MANBA: variants seen among roughly 807,000 people sequenced by gnomAD.
MANBA encodes beta-mannosidase.
In MANBA, 83 loss-of-function variants were observed where a neutral mutation model predicts 111.1. The observed-to-expected ratio is 0.75, with a 90% confidence interval of 0.63 to 0.90. The LOEUF (loss-of-function observed/expected upper bound fraction) is 0.90, where lower values mean the gene tolerates loss of function less well. Among genes scored for constraint, MANBA ranks in the 40% least tolerant of loss-of-function variants. The pLI is 0.00. For synonymous variants in MANBA, 370 were observed against 378.7 expected (o/e 0.98, Z 0.27); for missense variants, 1,036 against 1,069.0 (o/e 0.97, Z 0.43).
intron 4 of MANBA, among the ~76,000 whole-genome samples, chr4:102,714,830 G>A (rs1722252186): frequency 6.6e-6 from 1 of 152,162 alleles, no homozygotes; most frequent in African/African-American, 2.4e-5. Flanking sequence ...TCTGTGCTAG[G>A]CATCCCTGGT....
intron 13 of MANBA, among the ~76,000 whole-genome samples, chr4:102,646,284 C>T (rs1488782469): frequency 6.6e-6 from 1 of 152,108 alleles, no homozygotes; most frequent in Non-Finnish European, 1.5e-5. Context: ...CCTTTGCCCA[C>T]CCTACTCTCA....
chr4:102,737,704 G>A (rs1330115546), intron 1 of MANBA, among the ~76,000 whole-genome samples: 2 of 152,058 alleles, frequency 1.3e-5, no homozygotes, highest in African/African-American at 2.4e-5. Flanking sequence ...GGATGGTCTC[G>A]ATCTCCTGAC....
rs536458187 is a variant in MANBA, at chr4:102,664,557, C to A, written c.1485+128G>T. 4.4e-4 allele frequency: 348 copies of A among 788,964 alleles called. 1 individual carries two copies. The highest frequency in any genetic ancestry group is 2.2e-3 in the African/African-American group (126 of 58,046). The allele number at this position is 788,964 out of a possible 1,614,324, so 48.9% of individuals were successfully genotyped here. A position where few individuals can be genotyped will look rare whatever the true frequency, so the allele number is the denominator to read the frequency against. On this transcript the variant is annotated intron_variant, in intron 11 of 16. Transcript: ENST00000647097. ...AGTAGAGACGGGGTTTCACCGTGGTCTCGATCTCCTGACCTTGTGATCCGC... is the reference window on the plus strand; with the variant it reads ...AGTAGAGACGGGGTTTCACCGTGGTATCGATCTCCTGACCTTGTGATCCGC...
At chr4:102,646,217 C>T (rs1000844206) in intron 13 of MANBA, among the ~76,000 whole-genome samples, 2 of 152,070 alleles carry the variant, frequency 1.3e-5, no homozygotes, top group Non-Finnish European at 2.9e-5. Flanking sequence ...TACATGATGC[C>T]TATACAAACT....
chr4:102,690,681 A>G lies in MANBA; in HGVS notation c.764T>C (p.Ile255Thr). ...KPVGGQVIVAIPKLQTQQTYS... is the reference protein window; with the variant it reads ...KPVGGQVIVATPKLQTQQTYS... The stretch of plus-strand genomic sequence containing the variant: ...TGTCTGTTGTGTTTGCAACTTAGGG[A>G]TGGCTACGATCACTTGACCACCAAC... Residue 255 changes from isoleucine to threonine, a missense_variant, in exon 6 of 17, where the codon ATC becomes ACC. Physicochemically the swap from Ile to Thr is moderately conservative, Grantham distance 89. Transcript: ENST00000647097. 1 of 1,611,592 alleles carries G rather than the reference A, an allele frequency of 6.2e-7. No individual in the cohort carries two copies. Among genetic ancestry groups the G allele is most frequent in the Non-Finnish European group, 8.5e-7 (1 of 1,178,174 alleles).
At chr4:102,639,682 T>C (rs1196815853) in intron 14 of MANBA, 31 bp downstream of exon 14, 3 of 1,613,822 alleles carry the variant, frequency 1.9e-6, no homozygotes, top group Non-Finnish European at 2.5e-6. Context: ...TTGCTTTCTC[T>C]CACTCGCACA....
chr4:102,636,115 T>C, intron 14 of MANBA, 108 bp from the exon 15 acceptor site: 3 of 975,296 alleles, frequency 3.1e-6, no homozygotes, highest in South Asian at 1.3e-5. Context: ...GGAGTGAGCA[T>C]GTGAGGGAGA....
At chr4:102,646,996 G>A (rs536608559) in intron 13 of MANBA, among the ~76,000 whole-genome samples, 12 of 152,046 alleles carry the variant, frequency 7.9e-5, no homozygotes, top group Middle Eastern at 3.4e-3. Flanking sequence ...ACATAGGCAA[G>A]CACTCTGTTC....
rs1258519531 is a variant in MANBA, at chr4:102,723,000, A to G, written c.420T>C (p.Ile140=). The change falls in exon 4 of 17, where the codon ATT becomes ATC. Residue 140 remains isoleucine, a synonymous_variant. Coordinates refer to ENST00000647097, the MANE Select transcript of MANBA (RefSeq NM_005908.4). Reference sequence around the variant, plus strand: ...ACACCGCTGACTGGAAACGCAGCTCAATGGAGTTCACGTCCCTGACCACGT... The same window carrying G: ...ACACCGCTGACTGGAAACGCAGCTCGATGGAGTTCACGTCCCTGACCACGT... ...ITNVVRDVNS[I]ELRFQSAVLY... is the part of the protein sequence containing the mutation. The G allele has an allele frequency of 1.2e-6, 2 of 1,613,652 alleles. No individual in the cohort carries two copies. The highest frequency in any genetic ancestry group is 1.3e-5 in the African/African-American group (1 of 74,938).
chr4:102,701,028 T>A (rs1037855773), intron 5 of MANBA, among the ~76,000 whole-genome samples: 1 of 152,098 alleles, frequency 6.6e-6, no homozygotes, highest in Admixed American at 6.5e-5. Context: ...ACTTGCTTTA[T>A]GAATCTGGGT....
chr4:102,754,798 T>C (rs1218988417), intron 1 of MANBA, among the ~76,000 whole-genome samples: 1 of 152,134 alleles, frequency 6.6e-6, no homozygotes, highest in East Asian at 1.9e-4. Context: ...CCTCGTGATC[T>C]GCCGCCTTGG....
intron 1 of MANBA, among the ~76,000 whole-genome samples, chr4:102,755,620 T>C (rs1010243155): frequency 6.6e-6 from 1 of 152,108 alleles, no homozygotes; most frequent in Non-Finnish European, 1.5e-5. Context: ...ACTTGACAAA[T>C]GGGATCTAAT....
At chr4:102,727,541 G>C (rs1296835074) in intron 1 of MANBA, 6 of 1,603,626 alleles carry the variant, frequency 3.7e-6, no homozygotes, top group Middle Eastern at 1.7e-4. Flanking sequence ...TGCTGGTTTA[G>C]CTGAATTTCA....
chr4:102,708,755 T>C (rs1477401193), intron 5 of MANBA, among the ~76,000 whole-genome samples: 1 of 151,804 alleles, frequency 6.6e-6, no homozygotes, highest in Non-Finnish European at 1.5e-5. Flanking sequence ...CTATGTAGAC[T>C]AATCAAGGAG....
chr4:102,738,963 G>T (rs1446643945), intron 1 of MANBA, among the ~76,000 whole-genome samples: 1 of 151,882 alleles, frequency 6.6e-6, no homozygotes, highest in Non-Finnish European at 1.5e-5. Context: ...AAAATACACT[G>T]GAAAGTTTCA....
At chr4:102,727,414 G>T in intron 1 of MANBA, 1 of 1,035,220 alleles carries the variant, frequency 9.7e-7, no homozygotes, top group Admixed American at 1.7e-5. Context: ...GCCTGTCCTG[G>T]AGATGAGCTT....
intron 5 of MANBA, among the ~76,000 whole-genome samples, chr4:102,710,417 C>T (rs751865349): frequency 1.3e-5 from 2 of 151,806 alleles, no homozygotes; most frequent in Non-Finnish European, 2.9e-5. Context: ...ACAATAGCTA[C>T]AAAAAATAAA....
At chr4:102,693,978 G>C (rs1196813877) in intron 5 of MANBA, among the ~76,000 whole-genome samples, 2 of 152,090 alleles carry the variant, frequency 1.3e-5, no homozygotes, top group East Asian at 3.8e-4. Flanking sequence ...TGTCCTTTGA[G>C]CACCTCCTAC....
intron 1 of MANBA, among the ~76,000 whole-genome samples, chr4:102,760,097 C>CAA (rs1159116819): frequency 6.6e-6 from 1 of 151,870 alleles, no homozygotes; most frequent in African/African-American, 2.4e-5. Flanking sequence ...GATACACACA[C>CAA]ACACACACAC....
Sources: gnomAD v4.1 joint callset for allele counts (sites outside exome capture counted in the v4.1 genomes callset) on GRCh38, gnomAD v4.1.1 for gene constraint, MANE v1.5 for transcripts, NCBI Gene and HGNC (gene_info 2026-07-23, HGNC 2026-07-21) for gene names.